Variants in KIF27 observed in about 807,000 individuals in gnomAD.
KIF27 encodes the protein kinesin-like protein KIF27.
A neutral mutation model predicts 141.8 loss-of-function variants in KIF27; 84 were observed. The observed-to-expected ratio is 0.59, with a 90% confidence interval of 0.50 to 0.71. The LOEUF (loss-of-function observed/expected upper bound fraction) is 0.71, where lower values mean the gene tolerates loss of function less well. KIF27 is among the 30% of genes least tolerant of loss of function. KIF27 has a pLI of 0.00. For missense variants in KIF27, 1,306 were observed against 1,628.4 expected (o/e 0.80, Z 3.41); for synonymous variants, 471 against 569.5 (o/e 0.83, Z 2.46).
At position 83,870,401 on chromosome 9, in the gene KIF27, A is replaced by T; in HGVS notation, c.2757+118T>A. 7.0e-6 allele frequency: 10 copies of T among 1,424,020 alleles called. No homozygotes were observed. In the South Asian group the frequency reaches 1.2e-4, roughly 17 times the overall value. 88.2% of individuals were successfully genotyped at this position (1,424,020 alleles called of 1,614,324 possible). A position where few individuals can be genotyped will look rare whatever the true frequency, so the allele number is the denominator to read the frequency against. Reference sequence around the variant, plus strand: ...AGGCTGGTCTTGAACTCCTGACCGCAGGTGATCCACCCACCTCGGCGTCCC... The same window carrying T: ...AGGCTGGTCTTGAACTCCTGACCGCTGGTGATCCACCCACCTCGGCGTCCC... On this transcript the variant is annotated intron_variant, in intron 12 of 17. Coordinates refer to ENST00000297814, the MANE Select transcript of KIF27 (RefSeq NM_017576.4).
chr9:83,865,479 A>G (rs574546747), intron 13 of KIF27, among the ~76,000 whole-genome samples: 15 of 151,962 alleles, frequency 9.9e-5, no homozygotes, highest in African/African-American at 3.6e-4. Flanking sequence ...GTATTTTTAG[A>G]AGAGACAGGG....
chr9:83,866,115 C>A (rs1950333103), intron 13 of KIF27, among the ~76,000 whole-genome samples: 2 of 151,988 alleles, frequency 1.3e-5, no homozygotes, highest in Admixed American at 1.3e-4. Flanking sequence ...TAAATCGGTC[C>A]CAGAGTAAGA....
chr9:83,899,309 T>C (rs919172972), intron 5 of KIF27, among the ~76,000 whole-genome samples: 5 of 152,174 alleles, frequency 3.3e-5, no homozygotes, highest in African/African-American at 1.2e-4. Flanking sequence ...TTAATACATT[T>C]TAAAGTTTAA....
At chr9:83,847,073 C>T (rs140048258) in intron 16 of KIF27, among the ~76,000 whole-genome samples, 368 of 152,220 alleles carry the variant, frequency 2.4e-3, no homozygotes, top group Non-Finnish European at 4.4e-3. Flanking sequence ...AATCCAGTCA[C>T]AACTAAAAAT....
chr9:83,856,500 T>C (rs1383446480), intron 14 of KIF27, among the ~76,000 whole-genome samples: 1 of 151,832 alleles, frequency 6.6e-6, no homozygotes, highest in African/African-American at 2.4e-5. Flanking sequence ...CCCAGCACTT[T>C]GGGAAGCCGA....
intron 16 of KIF27, among the ~76,000 whole-genome samples, chr9:83,846,854 T>G (rs1014810718): frequency 2.0e-5 from 3 of 152,150 alleles, no homozygotes; most frequent in African/African-American, 7.2e-5. Flanking sequence ...CCTGGACACT[T>G]TGGGCTCCAC....
intron 3 of KIF27, 63 bp downstream of exon 3, chr9:83,908,389 A>C (rs1564002728): frequency 3.3e-6 from 3 of 902,008 alleles, no homozygotes; most frequent in Non-Finnish European, 5.0e-6. Flanking sequence ...CCAGAAACTT[A>C]ATTAAAGCAT....
intron 6 of KIF27, among the ~76,000 whole-genome samples, chr9:83,889,820 T>C (rs1952495639): frequency 6.6e-6 from 1 of 152,214 alleles, no homozygotes; most frequent in African/African-American, 2.4e-5. Flanking sequence ...AAATATTTAA[T>C]ATATGTCATA....
intron 16 of KIF27, among the ~76,000 whole-genome samples, chr9:83,843,569 A>C (rs1946836552): frequency 6.6e-6 from 1 of 152,196 alleles, no homozygotes; most frequent in Admixed American, 6.5e-5. Context: ...ATCTTGTTTT[A>C]AAAAATACTT....
intron 16 of KIF27, among the ~76,000 whole-genome samples, chr9:83,848,214 T>TC (rs1420834317): frequency 9.9e-5 from 10 of 100,648 alleles, no homozygotes; most frequent in African/African-American, 3.1e-4. Flanking sequence ...ATATGATATA[T>TC]ATGATATATC....
At chr9:83,884,234 CCAGT>C (rs1951907474) in intron 9 of KIF27, among the ~76,000 whole-genome samples, 1 of 152,056 alleles carries the variant, frequency 6.6e-6, no homozygotes, top group African/African-American at 2.4e-5. Context: ...CCATCTGCTG[CCAGT>C]CAGTCTCACT....
In KIF27 at chr9:83,889,253, C is replaced by T; in HGVS notation, c.1810G>A (p.Val604Ile). Residue 604 changes from valine (V) to isoleucine (I), a missense_variant and splice_region_variant, in exon 7 of 18, where the codon GTC (valine) becomes ATC (isoleucine). Physicochemically the swap from Val to Ile is conservative, Grantham distance 29. Coordinates refer to ENST00000297814, the MANE Select transcript of KIF27 (RefSeq NM_017576.4). ...YIPSRQDSRK[V>I]HTSPPMYSLD... is the part of the protein sequence containing the mutation. Reference sequence around the variant, plus strand: ...GAGTACATAGGCGGACTTGTGTGGACCTTGCAAGTGATTCCCCCACCCAAC... The same window carrying T: ...GAGTACATAGGCGGACTTGTGTGGATCTTGCAAGTGATTCCCCCACCCAAC... 6.3e-7 allele frequency: 1 copy of T among 1,591,190 alleles called. No homozygotes were observed. Among genetic ancestry groups the T allele is most frequent in the Non-Finnish European group, 8.6e-7 (1 of 1,166,698 alleles).
At chr9:83,896,572 G>T (rs182229704) in intron 5 of KIF27, among the ~76,000 whole-genome samples, 5 of 152,190 alleles carry the variant, frequency 3.3e-5, no homozygotes, top group Non-Finnish European at 2.9e-5. Flanking sequence ...AAAAATAAAG[G>T]AAATCTAAGT....
intron 16 of KIF27, among the ~76,000 whole-genome samples, chr9:83,847,059 G>A (rs1947375562): frequency 6.6e-6 from 1 of 152,132 alleles, no homozygotes; most frequent in Non-Finnish European, 1.5e-5. Flanking sequence ...AACTACAACA[G>A]CCCAATCCAG....
intron 14 of KIF27, among the ~76,000 whole-genome samples, chr9:83,854,140 T>C (rs1948924162): frequency 6.6e-6 from 1 of 152,196 alleles, no homozygotes; most frequent in African/African-American, 2.4e-5. Flanking sequence ...TCCAAGGTTA[T>C]ACAACAAATG....
chr9:83,916,148 C>T (rs920931465), intron 1 of KIF27, among the ~76,000 whole-genome samples: 5 of 151,922 alleles, frequency 3.3e-5, no homozygotes, highest in Non-Finnish European at 5.9e-5. Context: ...TCTCCTGCCT[C>T]AGGCCTCTCG....
rs891920232 is a variant in KIF27 at position 83,835,980 on chromosome 9, C to T, written c.*1021G>A. Among the ~76,000 whole-genome samples, 3 of 151,938 alleles carry T rather than the reference C, an allele frequency of 2.0e-5. No individual in the cohort carries two copies. The highest frequency in any genetic ancestry group is 7.3e-5 in the African/African-American group (3 of 41,378). On this transcript the variant is annotated 3_prime_UTR_variant, in exon 18 of 18. Coordinates refer to ENST00000297814, the MANE Select transcript of KIF27 (RefSeq NM_017576.4). ...CATTTGGTGTGCAAACTGTTTAGTT[C>T]TTAATTCCAAACTAAATTGTACATT...
In KIF27 at chr9:83,866,357, G is replaced by A. The variant is rs34060253; in HGVS notation, c.2934+1327C>T. Among the ~76,000 whole-genome samples, 8 of 152,306 alleles carry A rather than the reference G, an allele frequency of 5.3e-5. No individual in the cohort carries two copies. In the East Asian group the frequency reaches 9.6e-4, roughly 18 times the overall value. On this transcript the variant is annotated intron_variant, in intron 13 of 17. Coordinates refer to ENST00000297814, the MANE Select transcript of KIF27 (RefSeq NM_017576.4). ...TGTGTGGTGATAGCATATATGTAGG[G>A]TCTTGGCCTGGCTCTCATTTGTGTC... is the stretch of plus-strand genomic sequence containing the variant.
chr9:83,917,482 A>T (rs1055598451), intron 1 of KIF27, among the ~76,000 whole-genome samples: 2 of 152,128 alleles, frequency 1.3e-5, no homozygotes, highest in African/African-American at 4.8e-5. Context: ...TCACAGAAAA[A>T]CTCAAGAGAC....
Sources: gnomAD v4.1 joint callset for allele counts (sites outside exome capture counted in the v4.1 genomes callset) on GRCh38, gnomAD v4.1.1 for gene constraint, MANE v1.5 for transcripts, NCBI Gene and HGNC (gene_info 2026-07-23, HGNC 2026-07-21) for gene names.